The following STK32B variants were observed in gnomAD, a reference collection of about 807,000 sequenced individuals.
The protein encoded by STK32B is serine/threonine-protein kinase 32B.
In STK32B, 43 loss-of-function variants were observed where a neutral mutation model predicts 52.6. The ratio of observed to expected loss-of-function variants is 0.82; its 90% confidence interval spans 0.64 to 1.05. The LOEUF is 1.05. Ranked by LOEUF, STK32B falls within the 50% of genes least tolerant of loss-of-function variation. The pLI is 0.00. For missense variants in STK32B, 621 were observed against 534.6 expected (o/e 1.16, Z -1.59); for synonymous variants, 238 against 204.3 (o/e 1.17, Z -1.41).
At chr4:5,200,984 G>A (rs1303089132) in intron 3 of STK32B, among the ~76,000 whole-genome samples, 1 of 152,200 alleles carries the variant, frequency 6.6e-6, no homozygotes, top group Non-Finnish European at 1.5e-5. Context: ...GGAGGAAGCA[G>A]AGGCCAGGCC....
chr4:5,165,491 G>A (rs1000433981), intron 2 of STK32B, among the ~76,000 whole-genome samples: 2 of 152,172 alleles, frequency 1.3e-5, no homozygotes, highest in African/African-American at 2.4e-5. Context: ...TACACAGACT[G>A]TCTCCCAGCC....
At chr4:5,167,270 T>C (rs1160678326) in intron 2 of STK32B, among the ~76,000 whole-genome samples, 2 of 149,312 alleles carry the variant, frequency 1.3e-5, no homozygotes, top group East Asian at 3.9e-4. Flanking sequence ...CCCTGCCACT[T>C]GGTGGTTTGT....
intron 3 of STK32B, among the ~76,000 whole-genome samples, chr4:5,217,496 A>C (rs1485582083): frequency 2.6e-5 from 4 of 152,184 alleles, no homozygotes; most frequent in African/African-American, 9.7e-5. Context: ...TTTGGAGAAC[A>C]TTGAGATTTG....
At chr4:5,253,880 T>C (rs554741275) in intron 3 of STK32B, among the ~76,000 whole-genome samples, 1 of 152,184 alleles carries the variant, frequency 6.6e-6, no homozygotes, top group Non-Finnish European at 1.5e-5. Context: ...CATGAAATAA[T>C]GTATGTAAAG....
chr4:5,035,784 T>G, the STK32B span, among the ~76,000 whole-genome samples: 1 of 150,314 alleles, frequency 6.7e-6, no homozygotes, highest in Admixed American at 6.6e-5. Flanking sequence ...TCTGTAAATT[T>G]TTTTTTTTTT....
At chr4:5,192,977 G>A (rs376803161) in intron 3 of STK32B, among the ~76,000 whole-genome samples, 2 of 152,122 alleles carry the variant, frequency 1.3e-5, no homozygotes, top group South Asian at 2.1e-4. Context: ...CCTTCGGATC[G>A]CCTCTTCTTC....
intron 3 of STK32B, among the ~76,000 whole-genome samples, chr4:5,302,585 G>T (rs899842120): frequency 2.5e-4 from 38 of 151,982 alleles, no homozygotes; most frequent in Admixed American, 2.3e-3. Context: ...TTTGCCATTG[G>T]TTAATATATT....
intron 3 of STK32B, among the ~76,000 whole-genome samples, chr4:5,184,695 A>AAAAAAAAAAAGAAG (rs58321341): frequency 0.026 from 3,529 of 136,978 alleles, 75 homozygotes; most frequent in Admixed American, 0.03. Context: ...AAAAAAAAAA[A>AAAAAAAAAAAGAAG]AAGAAGAAGA....
intron 6 of STK32B, among the ~76,000 whole-genome samples, chr4:5,422,908 G>A (rs1433347066): frequency 1.3e-5 from 2 of 152,190 alleles, no homozygotes; most frequent in Non-Finnish European, 2.9e-5. Flanking sequence ...GGTAACGATA[G>A]AGAGAGGGCA....
chr4:5,192,363 C>A (rs920082829), intron 3 of STK32B, among the ~76,000 whole-genome samples: 1 of 152,134 alleles, frequency 6.6e-6, no homozygotes, highest in Non-Finnish European at 1.5e-5. Flanking sequence ...GACTTTTCCA[C>A]CCCAAAGTAA....
intron 1 of STK32B, among the ~76,000 whole-genome samples, chr4:5,115,587 A>C (rs953099401): frequency 6.6e-6 from 1 of 151,478 alleles, no homozygotes; most frequent in Non-Finnish European, 1.5e-5. Context: ...CAACTGGAGA[A>C]GTGTAACCTG....
At chr4:5,377,734 C>T (rs1038225519) in intron 4 of STK32B, among the ~76,000 whole-genome samples, 1 of 152,104 alleles carries the variant, frequency 6.6e-6, no homozygotes, top group Non-Finnish European at 1.5e-5. Flanking sequence ...TTTTATAAGG[C>T]AGTTTTCTTT....
At chr4:5,140,412 G>C (rs1716351528) in intron 2 of STK32B, 2 of 809,950 alleles carry the variant, frequency 2.5e-6, no homozygotes, top group Non-Finnish European at 3.2e-6. Context: ...CCCCAGTCAA[G>C]CTCCAGTCTG....
At chr4:5,088,244 A>G (rs913680761) in intron 1 of STK32B, among the ~76,000 whole-genome samples, 5 of 152,108 alleles carry the variant, frequency 3.3e-5, no homozygotes, top group African/African-American at 1.2e-4. Flanking sequence ...CAGCATATCA[A>G]AACTCATGGT....
chr4:5,122,307 ACCT>A (rs1261094294), intron 1 of STK32B, among the ~76,000 whole-genome samples: 1 of 147,754 alleles, frequency 6.8e-6, no homozygotes, highest in African/African-American at 2.6e-5. Context: ...TTCATGCATT[ACCT>A]CATTAATTCA....
intron 2 of STK32B, among the ~76,000 whole-genome samples, chr4:5,154,930 C>T (rs1011867213): frequency 6.6e-6 from 1 of 152,252 alleles, no homozygotes; most frequent in African/African-American, 2.4e-5. Context: ...CTGCCTCCCT[C>T]CCACTCGGGA....
intron 3 of STK32B, among the ~76,000 whole-genome samples, chr4:5,191,717 G>A (rs1307785693): frequency 6.6e-6 from 1 of 152,090 alleles, no homozygotes; most frequent in Non-Finnish European, 1.5e-5. Context: ...CTGAGAATTG[G>A]GCCCAAGCAC....
chr4:5,128,003 C>T (rs983535229), intron 1 of STK32B, among the ~76,000 whole-genome samples: 8 of 152,136 alleles, frequency 5.3e-5, no homozygotes, highest in Admixed American at 2.6e-4. Context: ...GTGAGGCCTC[C>T]CCAGCCATGT....
intron 1 of STK32B, among the ~76,000 whole-genome samples, chr4:5,061,979 TC>T (rs1742235233): frequency 6.6e-6 from 1 of 152,182 alleles, no homozygotes; most frequent in Admixed American, 6.5e-5. Context: ...GCTCTGTAAC[TC>T]CTCCAAACAG....
Sources: allele counts gnomAD v4.1 joint callset (sites outside exome capture counted in the v4.1 genomes callset), GRCh38; gene constraint gnomAD v4.1.1; transcripts MANE v1.5; gene names NCBI Gene and HGNC (gene_info 2026-07-23, HGNC 2026-07-21).